Variants in TTLL2 observed in about 807,000 individuals in gnomAD.
TTLL2 encodes tubulin tyrosine ligase like 2, also known as probable tubulin polyglutamylase TTLL2.
Under a neutral mutation model 7.5 loss-of-function variants are expected in TTLL2, and 10 were observed. The observed-to-expected ratio is 1.33, with a 90% CI of 0.82 to 2.25. The LOEUF (loss-of-function observed/expected upper bound fraction) is 2.25. Ranked by LOEUF, TTLL2 falls within the 30% of genes most tolerant of loss-of-function variation. The probability of loss-of-function intolerance (pLI) is 0.00; values close to 1 mark genes in which losing one functional copy is unlikely to be tolerated. For synonymous variants in TTLL2, 284 were observed against 280.3 expected (o/e 1.01, Z -0.13); for missense variants, 733 against 735.7 (o/e 1.00, Z 0.04).
chr6:167,338,360 A>G (rs921195172), intron 1 of TTLL2, among the ~76,000 whole-genome samples: 1 of 151,996 alleles, frequency 6.6e-6, no homozygotes, highest in South Asian at 2.1e-4. Flanking sequence ...ACAACACACA[A>G]CATACAGACA....
rs1471935930 is a variant in TTLL2 at position 167,340,224 on chromosome 6, G to C, written c.324G>C (p.Trp108Cys). Residue 108 changes from tryptophan to cysteine, a missense_variant, in exon 3 of 3, where the codon TGG (tryptophan) becomes TGC (cysteine). Physicochemically the swap from Trp to Cys is radical, Grantham distance 215. Transcript: ENST00000239587. ...VVQSVLLERG[W>C]NKFDKQEQNA... ...AAAGCGTCCTCCTGGAGAGGGGGTG[G>C]AATAAGTTTGATAAGCAGGAGCAGA... is the stretch of plus-strand genomic sequence containing the variant. The C allele has an allele frequency of 1.2e-6, 2 of 1,614,106 alleles. No homozygotes were observed. The highest frequency in any genetic ancestry group is 2.7e-5 in the African/African-American group (2 of 75,016).
chr6:167,341,617 G>T lies in TTLL2; in HGVS notation c.1717G>T (p.Gly573Ter). ...NEATLGASRN[G>*]LNVKRIIQEL... ...AGCAACTCTCGGAGCTTCCAGGAAT[G>T]GATTAAATGTCAAAAGAATAATCCA... The change falls in exon 3 of 3, where the codon GGA becomes TGA. Residue 573 changes from glycine to a stop codon, truncating the protein, a stop_gained. Transcript: ENST00000239587. LOFTEE classifies it high-confidence loss of function. The T allele has an allele frequency of 6.2e-7, 1 of 1,614,118 alleles. No homozygotes were observed. Among genetic ancestry groups the T allele is most frequent in the Non-Finnish European group, 8.5e-7 (1 of 1,180,026 alleles).
At chr6:167,326,665 G>A (rs1217551020) in intron 1 of TTLL2, among the ~76,000 whole-genome samples, 1 of 152,200 alleles carries the variant, frequency 6.6e-6, no homozygotes. Flanking sequence ...CAACCCAGGA[G>A]AGCTTTGAAT....
intron 1 of TTLL2, among the ~76,000 whole-genome samples, chr6:167,337,799 A>C (rs1779009219): frequency 1.3e-5 from 2 of 151,706 alleles, no homozygotes; most frequent in African/African-American, 4.9e-5. Flanking sequence ...CACAACACAT[A>C]CACACAGATA....
chr6:167,336,056 G>T (rs1320533843), intron 1 of TTLL2, among the ~76,000 whole-genome samples: 3 of 151,970 alleles, frequency 2.0e-5, no homozygotes, highest in Non-Finnish European at 2.9e-5. Context: ...CTCCCTGAAT[G>T]GACCCCTGGG....
intron 1 of TTLL2, 83 bp from the exon 2 acceptor site, chr6:167,338,564 G>T: frequency 6.7e-7 from 1 of 1,484,032 alleles, no homozygotes; most frequent in South Asian, 1.4e-5. Flanking sequence ...ATGATGGATT[G>T]ATCAATTCTG....
At chr6:167,340,064 C>T (rs1288270352) in intron 2 of TTLL2, 41 bp from the exon 3 acceptor site, 1 of 1,536,304 alleles carries the variant, frequency 6.5e-7, no homozygotes. Flanking sequence ...AGGTTATGGT[C>T]TTGACCACTC....
intron 1 of TTLL2, among the ~76,000 whole-genome samples, chr6:167,338,028 C>T (rs1250683116): frequency 6.6e-6 from 1 of 151,856 alleles, no homozygotes; most frequent in Non-Finnish European, 1.5e-5. Flanking sequence ...ATACAACACA[C>T]CACATGCAAT....
chr6:167,341,520 T>C lies in TTLL2; in HGVS notation c.1620T>C (p.Cys540=). 2 of 1,614,188 alleles carry C rather than the reference T, an allele frequency of 1.2e-6. No homozygotes were observed. Among genetic ancestry groups the C allele is most frequent in the Non-Finnish European group, 1.7e-6 (2 of 1,180,044 alleles). Residue 540 remains cysteine (C), a synonymous_variant, in exon 3 of 3, where the codon TGT becomes TGC. Coordinates refer to ENST00000239587, the MANE Select transcript of TTLL2 (RefSeq NM_031949.5). ...SHSCKTKTSP[C]VLSDRGKAPD... is the part of the protein sequence containing the mutation. ...CCTGCAAGACCAAGACCTCCCCGTG[T>C]GTCCTGTCAGACCGTGGCAAAGCTC...
In TTLL2 at chr6:167,340,378, G is replaced by A. The variant is rs1470157650; in HGVS notation, c.478G>A (p.Ala160Thr). The A allele has an allele frequency of 2.5e-6, 4 of 1,614,156 alleles. No homozygotes were observed. Among genetic ancestry groups the A allele is most frequent in the African/African-American group, 1.3e-5 (1 of 75,004 alleles). ...CAAGCTTACCAGGAAAGACTGTTTG[G>A]CCAAACACCTGAAGCACATGAGGAG... ...TTKLTRKDCL[A>T]KHLKHMRRMY... The change falls in exon 3 of 3, where the codon GCC (alanine) becomes ACC (threonine). Residue 160 changes from alanine to threonine, a missense_variant. Ala to Thr is a moderately conservative substitution (Grantham distance 58). Coordinates refer to ENST00000239587, the MANE Select transcript of TTLL2 (RefSeq NM_031949.5).
chr6:167,325,128 C>T lies in TTLL2; in HGVS notation c.-46C>T. On this transcript the variant is annotated 5_prime_UTR_variant, in exon 1 of 3. Transcript: ENST00000239587. ...CCGCGCATTTCAGCTGGCGCTGCAG[C>T]TGCTGCACAGAGACCCACAGAGGCC... The T allele has an allele frequency of 1.3e-6, 2 of 1,555,380 alleles. No individual in the cohort carries two copies. The highest frequency in any genetic ancestry group is 2.4e-5 in the South Asian group (2 of 84,444).
intron 1 of TTLL2, among the ~76,000 whole-genome samples, chr6:167,337,997 C>T (rs1168858475): frequency 6.6e-6 from 1 of 151,608 alleles, no homozygotes; most frequent in Non-Finnish European, 1.5e-5. Flanking sequence ...TTCACATATA[C>T]ACAGCAGACA....
At position 167,330,997 on chromosome 6, in the gene TTLL2, TGCTGGGAGAACACAGGGTGAGGTCA is replaced by T. The variant is rs1388654295; in HGVS notation, c.47+5778_47+5802del. ...GCCGGACCCAGTCGCTCCCCGGGTG[TGCTGGGAGAACACAGGGTGAGGTCA>T]TGGTGCACCAGTGCCCTTCCTGTTC... On this transcript the variant is annotated intron_variant, in intron 1 of 2. Transcript: ENST00000239587. Among the ~76,000 whole-genome samples, 13 of 152,314 alleles carry T rather than the reference TGCTGGGAGAACACAGGGTGAGGTCA, an allele frequency of 8.5e-5. No individual in the cohort carries two copies. In the South Asian group the frequency reaches 2.5e-3, roughly 29 times the overall value.
chr6:167,332,291 T>C (rs1778929035), intron 1 of TTLL2, among the ~76,000 whole-genome samples: 1 of 152,160 alleles, frequency 6.6e-6, no homozygotes, highest in African/African-American at 2.4e-5. Context: ...TGTGGTCGGC[T>C]GATTAGTAGT....
intron 1 of TTLL2, among the ~76,000 whole-genome samples, 190 bp from the exon 2 acceptor site, chr6:167,338,455 TCA>T (rs3841397): frequency 0.35 from 51,868 of 150,128 alleles, 9,033 homozygotes; most frequent in Non-Finnish European, 0.39. Context: ...CACAACATAG[TCA>T]CACACACACA....
chr6:167,332,991 G>T, intron 1 of TTLL2, among the ~76,000 whole-genome samples: 1 of 23,830 alleles, frequency 4.2e-5, no homozygotes, highest in Non-Finnish European at 7.4e-5. Context: ...GAATAGGAGT[G>T]GTGAGAGAGG....
Position 167,340,556 on chromosome 6 carries a change from G to T in TTLL2, c.656G>T (p.Gly219Val), listed in dbSNP as rs1203274221. The change falls in exon 3 of 3, where the codon GGG becomes GTG. Residue 219 changes from glycine to valine, a missense_variant. Transcript: ENST00000239587. Reference protein sequence around the residue: ...WICKPAELSRGRGILIFSDFK... With the variant: ...WICKPAELSRVRGILIFSDFK... Reference sequence around the variant, plus strand: ...TGCAAGCCTGCTGAGTTATCTCGTGGGAGGGGGATACTAATTTTCAGTGAC... The same window carrying T: ...TGCAAGCCTGCTGAGTTATCTCGTGTGAGGGGGATACTAATTTTCAGTGAC... 3 of 1,614,040 alleles carry T rather than the reference G, an allele frequency of 1.9e-6. No homozygotes were observed. In the Admixed American group the frequency reaches 5.0e-5, roughly 27 times the overall value.
chr6:167,329,957 G>A (rs1055312746), intron 1 of TTLL2, among the ~76,000 whole-genome samples: 1 of 152,136 alleles, frequency 6.6e-6, no homozygotes, highest in African/African-American at 2.4e-5. Flanking sequence ...TATACACCCA[G>A]ATGTGATACA....
At chr6:167,336,485 A>G (rs759373143) in intron 1 of TTLL2, among the ~76,000 whole-genome samples, 1 of 152,156 alleles carries the variant, frequency 6.6e-6, no homozygotes, top group African/African-American at 2.4e-5. Context: ...ATATAAATAT[A>G]TAATTAAATC....
Sources: gnomAD v4.1 joint callset for allele counts (sites outside exome capture counted in the v4.1 genomes callset) on GRCh38, gnomAD v4.1.1 for gene constraint, MANE v1.5 for transcripts, NCBI Gene and HGNC (gene_info 2026-07-23, HGNC 2026-07-21) for gene names.